The following HMCN1 variants were observed in gnomAD, a reference collection of about 807,000 sequenced individuals.
HMCN1 encodes hemicentin-1.
HMCN1 carries 321 observed loss-of-function variants against 625.9 expected under a neutral mutation model. The observed-to-expected ratio is 0.51, with a 90% CI of 0.47 to 0.56. HMCN1 has a LOEUF of 0.56. Ranked by LOEUF, HMCN1 falls within the 20% of genes least tolerant of loss-of-function variation. The pLI is 0.00. For synonymous variants in HMCN1, 2,425 were observed against 2,417.6 expected (o/e 1.00, Z -0.09); for missense variants, 6,588 against 6,887.3 (o/e 0.96, Z 1.54).
rs139470299 is a variant in HMCN1 at position 186,123,593 on chromosome 1, A to C, written c.12499+373A>C. Among the ~76,000 whole-genome samples, 467 of 152,300 alleles carry C rather than the reference A, an allele frequency of 3.1e-3. 1 individual carries two copies. Among genetic ancestry groups the C allele is most frequent in the Non-Finnish European group, 5.5e-3 (372 of 68,034 alleles). ...TCAAATGAATCATCATATGACCTAC[A>C]TTGTATGATTTGACTCTAATGAGAA... On this transcript the variant is annotated intron_variant, in intron 81 of 106. Transcript: ENST00000271588.
chr1:185,822,925 A>G (rs1660281414), intron 1 of HMCN1, among the ~76,000 whole-genome samples: 1 of 152,166 alleles, frequency 6.6e-6, no homozygotes, highest in Admixed American at 6.5e-5. Context: ...AATATAAATA[A>G]CAAAACAAAA....
At position 186,081,288 on chromosome 1, in the gene HMCN1, G is replaced by T. The variant is rs750532975; in HGVS notation, c.8681G>T (p.Cys2894Phe). The T allele has an allele frequency of 6.2e-7, 1 of 1,613,022 alleles. No homozygotes were observed. Among genetic ancestry groups the T allele is most frequent in the Admixed American group, 1.7e-5 (1 of 59,970 alleles). Residue 2894 changes from cysteine to phenylalanine, a missense_variant, in exon 56 of 107, where the codon TGT (cysteine) becomes TTT (phenylalanine). By Grantham distance (205) the Cys-to-Phe change is radical. This residue lies in a region of HMCN1 where 4,628 missense variants were observed against 4,853.1 expected (regional missense o/e 0.95). Transcript: ENST00000271588. ...GTGAACAAGAGTGCACTGATAGAGT[G>T]TTTATCCAGTGGCAGCCCAGCACCA... ...VLVNKSALIE[C>F]LSSGSPAPRN...
intron 97 of HMCN1, among the ~76,000 whole-genome samples, chr1:186,156,337 C>T (rs985509862): frequency 5.3e-5 from 8 of 151,994 alleles, no homozygotes; most frequent in African/African-American, 1.4e-4. Flanking sequence ...CATACAAAGG[C>T]GCTTCAAAAT....
intron 29 of HMCN1, 133 bp downstream of exon 29, chr1:186,003,977 T>A: frequency 1.2e-6 from 1 of 866,758 alleles, no homozygotes; most frequent in Non-Finnish European, 1.8e-6. Flanking sequence ...GGAAAAACAA[T>A]ATTGCTCAAA....
At chr1:185,750,047 T>A (rs906383857) in intron 1 of HMCN1, among the ~76,000 whole-genome samples, 1 of 152,212 alleles carries the variant, frequency 6.6e-6, no homozygotes, top group Admixed American at 6.5e-5. Flanking sequence ...CTCATTAACC[T>A]GCTTTATTTT....
chr1:185,998,857 A>G (rs1652985980), intron 25 of HMCN1, among the ~76,000 whole-genome samples: 3 of 152,098 alleles, frequency 2.0e-5, no homozygotes, highest in Admixed American at 2.0e-4. Flanking sequence ...ACAAGTATTA[A>G]TTAAGTAGTC....
rs747842133 is a variant in HMCN1 at position 186,037,922 on chromosome 1, G to A, written c.5750-12G>A. 5.5e-6 allele frequency: 8 copies of A among 1,453,746 alleles called. No homozygotes were observed. Among genetic ancestry groups the A allele is most frequent in the South Asian group, 2.3e-5 (2 of 87,924 alleles). The allele number at this position is 1,453,746 out of a possible 1,614,324, so 90.1% of individuals were successfully genotyped here. ...CTTATAAGAAATAATTATCTGTTTG[G>A]GCCTCTTGTAGAACCACCTAGTCTG... On this transcript the variant is annotated splice_polypyrimidine_tract_variant and intron_variant, in intron 36 of 106. Transcript: ENST00000271588.
chr1:185,768,050 G>C (rs1422479014), intron 1 of HMCN1, among the ~76,000 whole-genome samples: 1 of 152,122 alleles, frequency 6.6e-6, no homozygotes, highest in African/African-American at 2.4e-5. Context: ...CTGCCATAAA[G>C]GATAATTCCT....
At position 185,809,155 on chromosome 1, in the gene HMCN1, G is replaced by A. The variant is rs566636214; in HGVS notation, c.269-36871G>A. 2.6e-5 allele frequency among the ~76,000 whole-genome samples: 4 copies of A among 152,124 alleles called. No individual in the cohort carries two copies. The East Asian group carries it at 7.7e-4, about 29-fold the overall frequency. ...ACATATGTCTAAGAACGAGAAAGAGGCCAAGTATTTTCCTTCACCATAGTA... is the reference window on the plus strand; with the variant it reads ...ACATATGTCTAAGAACGAGAAAGAGACCAAGTATTTTCCTTCACCATAGTA... On this transcript the variant is annotated intron_variant, in intron 1 of 106. Transcript: ENST00000271588.
chr1:186,013,992 G>A (rs933368263), intron 30 of HMCN1, among the ~76,000 whole-genome samples: 1 of 152,112 alleles, frequency 6.6e-6, no homozygotes, highest in South Asian at 2.1e-4. Context: ...CTGGAATAAG[G>A]ACTGCCTTCA....
intron 6 of HMCN1, among the ~76,000 whole-genome samples, chr1:185,917,834 AG>A (rs1666798493): frequency 6.6e-6 from 1 of 152,172 alleles, no homozygotes; most frequent in African/African-American, 2.4e-5. Context: ...CAGAGGAGCA[AG>A]TAATTTTCCG....
Position 186,187,874 on chromosome 1 carries a change from T to C in HMCN1, c.16415-9T>C. The C allele has an allele frequency of 6.2e-7, 1 of 1,613,694 alleles. No individual in the cohort carries two copies. The highest frequency in any genetic ancestry group is 1.3e-5 in the African/African-American group (1 of 75,018). ...TGCTGATGCTGCATGTTCCCTGTGC[T>C]GTCCCTAGATATCGATGAATGTCTG... On this transcript the variant is annotated splice_polypyrimidine_tract_variant and intron_variant, in intron 105 of 106. Coordinates refer to ENST00000271588, the MANE Select transcript of HMCN1 (RefSeq NM_031935.3).
At chr1:185,888,493 T>A (rs2102405623) in intron 4 of HMCN1, among the ~76,000 whole-genome samples, 5 of 143,056 alleles carry the variant, frequency 3.5e-5, no homozygotes, top group Middle Eastern at 7.0e-3. Context: ...GTATAAGGTG[T>A]AAGGAAGGGA....
chr1:185,986,883 A>G (rs1420641491), intron 19 of HMCN1, among the ~76,000 whole-genome samples: 1 of 150,768 alleles, frequency 6.6e-6, no homozygotes, highest in Non-Finnish European at 1.5e-5. Flanking sequence ...AAATAAAAAA[A>G]CTCTTAAGAT....
At chr1:185,956,397 C>G (rs1337668593) in intron 11 of HMCN1, among the ~76,000 whole-genome samples, 1 of 152,132 alleles carries the variant, frequency 6.6e-6, no homozygotes, top group Non-Finnish European at 1.5e-5. Flanking sequence ...TCCTACAACC[C>G]CCTCCTGGAG....
At chr1:185,916,055 TGC>T (rs1295585896) in intron 6 of HMCN1, among the ~76,000 whole-genome samples, 10 of 146,716 alleles carry the variant, frequency 6.8e-5, no homozygotes, top group African/African-American at 2.8e-4. Flanking sequence ...TGTGTGCATA[TGC>T]GTGTGTGCAT....
At chr1:185,945,517 A>G (rs1029906036) in intron 11 of HMCN1, among the ~76,000 whole-genome samples, 10 of 152,238 alleles carry the variant, frequency 6.6e-5, no homozygotes, top group African/African-American at 2.4e-4. Context: ...GTAATAAAGG[A>G]AATTAGGCAA....
At chr1:185,795,435 A>G (rs565073263) in intron 1 of HMCN1, among the ~76,000 whole-genome samples, 9 of 152,310 alleles carry the variant, frequency 5.9e-5, no homozygotes, top group African/African-American at 1.4e-4. Context: ...CAAATCATCA[A>G]TTTCTGACTG....
At chr1:185,882,316 T>C (rs573489208) in intron 4 of HMCN1, among the ~76,000 whole-genome samples, 44 of 151,948 alleles carry the variant, frequency 2.9e-4, no homozygotes, top group Non-Finnish European at 5.3e-4. Flanking sequence ...TGATAGAATA[T>C]TGAGGAAATT....
Sources: allele counts gnomAD v4.1 joint callset (sites outside exome capture counted in the v4.1 genomes callset), GRCh38; gene constraint gnomAD v4.1.1; regional missense constraint gnomAD v4.1.1; transcripts MANE v1.5; gene names NCBI Gene and HGNC (gene_info 2026-07-23, HGNC 2026-07-21).